Variants in CNOT4 observed in about 807,000 individuals in gnomAD.
CNOT4 encodes the protein CCR4-NOT transcription complex subunit 4.
A neutral mutation model predicts 73.8 loss-of-function variants in CNOT4; 8 were observed. That is an observed-to-expected ratio of 0.11 (90% CI 0.06 to 0.20). CNOT4 has a LOEUF of 0.20. Ranked by LOEUF, CNOT4 falls within the 10% of genes least tolerant of loss-of-function variation. The pLI is 1.00. For synonymous variants in CNOT4, 293 were observed against 321.1 expected (o/e 0.91, Z 0.94); for missense variants, 564 against 883.4 (o/e 0.64, Z 4.58).
At chr7:135,495,993 T>C (rs1340220252) in intron 1 of CNOT4, among the ~76,000 whole-genome samples, 5 of 152,208 alleles carry the variant, frequency 3.3e-5, no homozygotes, top group Non-Finnish European at 7.3e-5. Context: ...TCACCTCTAA[T>C]AAACAGACTC....
At position 135,434,092 on chromosome 7, in the gene CNOT4, A is replaced by C. The variant is rs535303226; in HGVS notation, c.174+4066T>G. ...CTACTTGCATCTCCCAAGTTTCTTC[A>C]GATCATCTCAATATGCCACCTCACA... On this transcript the variant is annotated intron_variant, in intron 2 of 11. Transcript: ENST00000541284. 3.9e-5 allele frequency among the ~76,000 whole-genome samples: 6 copies of C among 152,298 alleles called. No individual in the cohort carries two copies. The East Asian group carries it at 1.2e-3, about 29-fold the overall frequency.
intron 1 of CNOT4, among the ~76,000 whole-genome samples, chr7:135,458,069 A>G (rs1025956555): frequency 1.3e-5 from 2 of 152,054 alleles, no homozygotes; most frequent in African/African-American, 4.8e-5. Context: ...CAAACACTCC[A>G]TGTGTGTTGA....
intron 1 of CNOT4, among the ~76,000 whole-genome samples, chr7:135,462,524 C>T (rs1800939347): frequency 6.6e-6 from 1 of 152,200 alleles, no homozygotes; most frequent in Non-Finnish European, 1.5e-5. Context: ...CCGCATGTCA[C>T]AAAGACCCTT....
At chr7:135,417,288 T>A (rs1333826779) in intron 3 of CNOT4, among the ~76,000 whole-genome samples, 1 of 152,204 alleles carries the variant, frequency 6.6e-6, no homozygotes, top group Non-Finnish European at 1.5e-5. Context: ...GTGATATTAA[T>A]GTTATGGGCC....
At chr7:135,473,914 C>T (rs1049942110) in intron 1 of CNOT4, among the ~76,000 whole-genome samples, 35 of 151,942 alleles carry the variant, frequency 2.3e-4, no homozygotes, top group Non-Finnish European at 5.9e-5. Context: ...GCTTTCTTTC[C>T]AGGGATGCTC....
intron 1 of CNOT4, among the ~76,000 whole-genome samples, chr7:135,461,144 G>T (rs796586366): frequency 2.6e-5 from 4 of 152,182 alleles, no homozygotes; most frequent in African/African-American, 9.6e-5. Context: ...AATTTTAGGT[G>T]GTGTGTGCCA....
chr7:135,456,642 G>A (rs1470064473), intron 1 of CNOT4, among the ~76,000 whole-genome samples: 1 of 151,970 alleles, frequency 6.6e-6, no homozygotes, highest in Non-Finnish European at 1.5e-5. Flanking sequence ...TATTACATAT[G>A]CAATCCTCCC....
At chr7:135,400,326 T>C (rs1796936682) in intron 7 of CNOT4, among the ~76,000 whole-genome samples, 1 of 152,024 alleles carries the variant, frequency 6.6e-6, no homozygotes, top group Non-Finnish European at 1.5e-5. Flanking sequence ...TTAGAAAGAT[T>C]AATTTGGTGG....
intron 1 of CNOT4, among the ~76,000 whole-genome samples, chr7:135,482,812 C>A (rs936896391): frequency 2.6e-5 from 4 of 151,686 alleles, no homozygotes; most frequent in African/African-American, 9.7e-5. Flanking sequence ...GAAACCCTGT[C>A]TCTAATTTTG....
intron 7 of CNOT4, 26 bp downstream of exon 7, chr7:135,410,489 G>A (rs773696020): frequency 2.1e-6 from 3 of 1,399,660 alleles, no homozygotes; most frequent in Admixed American, 2.3e-5. Context: ...AAGGTAAGAT[G>A]TCTGACTATC....
At chr7:135,469,437 T>C (rs1035545974) in intron 1 of CNOT4, among the ~76,000 whole-genome samples, 2 of 152,228 alleles carry the variant, frequency 1.3e-5, no homozygotes, top group South Asian at 2.1e-4. Flanking sequence ...GAGTTCTAAC[T>C]GACATATCCT....
At chr7:135,507,391 A>G (rs925132943) in intron 1 of CNOT4, among the ~76,000 whole-genome samples, 9 of 152,210 alleles carry the variant, frequency 5.9e-5, no homozygotes, top group Non-Finnish European at 1.5e-5. Flanking sequence ...ACGTTAGATC[A>G]AAAAACTAAA....
intron 1 of CNOT4, among the ~76,000 whole-genome samples, chr7:135,451,320 A>T (rs960490974): frequency 2.6e-5 from 4 of 152,100 alleles, no homozygotes; most frequent in African/African-American, 9.7e-5. Flanking sequence ...TGTTCGAGAG[A>T]TTCTCATTCT....
intron 1 of CNOT4, among the ~76,000 whole-genome samples, chr7:135,471,947 CG>C (rs1563070096): frequency 1.3e-5 from 2 of 151,884 alleles, no homozygotes; most frequent in Admixed American, 6.6e-5. Context: ...CCAAGGCAGG[CG>C]GATCACTTGA....
intron 1 of CNOT4, among the ~76,000 whole-genome samples, chr7:135,476,709 T>C (rs573628611): frequency 3.3e-5 from 5 of 152,212 alleles, no homozygotes; most frequent in Middle Eastern, 3.4e-3. Context: ...CAGTGGCTCA[T>C]GCCTGTAATA....
rs926038897 is a variant in CNOT4 at position 135,447,020 on chromosome 7, T to C, written c.-92-8597A>G. On this transcript the variant is annotated intron_variant, in intron 1 of 11. Transcript: ENST00000541284. ...AGGAGGGCAGAAATGACCCGGTGCA[T>C]CACATTTATGACGGTATACCATGCA... 9.1e-5 allele frequency among the ~76,000 whole-genome samples: 12 copies of C among 132,386 alleles called. 1 individual carries two copies. The highest frequency in any genetic ancestry group is 3.0e-4 in the African/African-American group (12 of 39,422). 86.9% of individuals were successfully genotyped at this position (132,386 alleles called of 152,430 possible).
intron 8 of CNOT4, among the ~76,000 whole-genome samples, chr7:135,397,222 T>C (rs1399472000): frequency 6.6e-6 from 1 of 152,078 alleles, no homozygotes; most frequent in Non-Finnish European, 1.5e-5. Flanking sequence ...AAACTTCTGA[T>C]TGTTAAAGGA....
chr7:135,463,545 A>C (rs62479461), intron 1 of CNOT4, among the ~76,000 whole-genome samples: 4 of 15,456 alleles, frequency 2.6e-4, no homozygotes, highest in African/African-American at 6.6e-4. Flanking sequence ...CCCCCCACCC[A>C]AAAAAAAAAA....
intron 1 of CNOT4, among the ~76,000 whole-genome samples, chr7:135,465,189 C>T (rs1203323441): frequency 1.3e-5 from 2 of 152,090 alleles, no homozygotes; most frequent in African/African-American, 2.4e-5. Flanking sequence ...AATTCATTTA[C>T]ATGTTTATAT....
Sources: gnomAD v4.1 joint callset for allele counts (sites outside exome capture counted in the v4.1 genomes callset) on GRCh38, gnomAD v4.1.1 for gene constraint, MANE v1.5 for transcripts, NCBI Gene and HGNC (gene_info 2026-07-23, HGNC 2026-07-21) for gene names.